KPNA4: variants seen among roughly 807,000 people sequenced by gnomAD.
KPNA4 encodes the protein importin subunit alpha-3.
KPNA4 carries 13 observed loss-of-function variants against 71.3 expected under a neutral mutation model. That is an observed-to-expected ratio of 0.18 (90% CI 0.12 to 0.29). The LOEUF (loss-of-function observed/expected upper bound fraction) is 0.29. Among genes scored for constraint, KPNA4 ranks in the 10% least tolerant of loss-of-function variants. The probability of loss-of-function intolerance (pLI) is 1.00; values close to 1 mark genes in which losing one functional copy is unlikely to be tolerated. For synonymous variants in KPNA4, 189 were observed against 195.2 expected (o/e 0.97, Z 0.26); for missense variants, 334 against 603.2 (o/e 0.55, Z 4.67).
intron 1 of KPNA4, among the ~76,000 whole-genome samples, chr3:160,545,078 A>C (rs1382439601): frequency 6.6e-6 from 1 of 152,224 alleles, no homozygotes; most frequent in Non-Finnish European, 1.5e-5. Flanking sequence ...ACACTGCATC[A>C]CATTACTTTT....
chr3:160,557,767 T>C (rs1722170548), intron 1 of KPNA4, among the ~76,000 whole-genome samples: 1 of 152,184 alleles, frequency 6.6e-6, no homozygotes. Flanking sequence ...CTCCACTTTC[T>C]GGGCTCAAGC....
intron 14 of KPNA4, among the ~76,000 whole-genome samples, chr3:160,508,766 T>C (rs553116155): frequency 3.3e-5 from 5 of 152,030 alleles, no homozygotes; most frequent in Non-Finnish European, 5.9e-5. Context: ...GAGATCCTCC[T>C]GCCTTGGCCC....
intron 11 of KPNA4, among the ~76,000 whole-genome samples, chr3:160,518,460 G>A (rs143751923): frequency 1.3e-5 from 2 of 151,324 alleles, no homozygotes; most frequent in East Asian, 2.0e-4. Context: ...CATGTAGTAT[G>A]AAGTGGGGTC....
chr3:160,515,731 C>A, intron 11 of KPNA4, 151 bp from the exon 12 acceptor site: 1 of 792,772 alleles, frequency 1.3e-6, no homozygotes, highest in Non-Finnish European at 1.9e-6. Flanking sequence ...CCTCCCACCC[C>A]AGCCTCCAGA....
chr3:160,536,301 G>C (rs1346070065), intron 2 of KPNA4, among the ~76,000 whole-genome samples: 1 of 152,010 alleles, frequency 6.6e-6, no homozygotes, highest in Admixed American at 6.6e-5. Flanking sequence ...GCAGAAGTTG[G>C]GCAGTTCAAA....
intron 13 of KPNA4, 89 bp downstream of exon 13, chr3:160,513,988 G>A: frequency 1.5e-6 from 1 of 686,906 alleles, no homozygotes; most frequent in Non-Finnish European, 2.2e-6. Context: ...TTCTAATTAA[G>A]CAGAAAGTAT....
At position 160,501,853 on chromosome 3, in the gene KPNA4, G is replaced by C. The variant is rs892949721; in HGVS notation, c.*251C>G. ...CAACCTAAATAAGCATTCATGTAAA[G>C]TTTTCATTACATTTTGCCACTCATT... is the stretch of plus-strand genomic sequence containing the variant. On this transcript the variant is annotated 3_prime_UTR_variant, in exon 17 of 17. Coordinates refer to ENST00000334256, the MANE Select transcript of KPNA4 (RefSeq NM_002268.5). The C allele has an allele frequency of 5.6e-6, 1 of 178,900 alleles. No homozygotes were observed. Among genetic ancestry groups the C allele is most frequent in the Non-Finnish European group, 1.2e-5 (1 of 86,418 alleles). The allele number at this position is 178,900 out of a possible 1,614,324, so 11.1% of individuals were successfully genotyped here.
At chr3:160,557,007 G>A (rs1481172038) in intron 1 of KPNA4, among the ~76,000 whole-genome samples, 5 of 152,162 alleles carry the variant, frequency 3.3e-5, no homozygotes, top group African/African-American at 1.2e-4. Context: ...GTAGAGATGA[G>A]GTCTCACTAT....
rs1272050682 is a variant in KPNA4 at position 160,521,835 on chromosome 3, A to G, written c.847T>C (p.Ser283Pro). 1 of 1,612,982 alleles carries G rather than the reference A, an allele frequency of 6.2e-7. No homozygotes were observed. The highest frequency in any genetic ancestry group is 1.1e-5 in the South Asian group (1 of 91,032). ...GNEQIQMVID[S>P]GIVPHLVPLL... ...GGAACCAAATGAGGAACTATTCCAG[A>G]GTCTATTACCATCTGTATTTGTTCA... is the stretch of plus-strand genomic sequence containing the variant. The change falls in exon 11 of 17, where the codon TCT becomes CCT. Residue 283 changes from serine to proline, a missense_variant. Coordinates refer to ENST00000334256, the MANE Select transcript of KPNA4 (RefSeq NM_002268.5).
At chr3:160,564,693 C>G (rs1326971048) in intron 1 of KPNA4, 1 of 151,886 alleles carries the variant, frequency 6.6e-6, no homozygotes, top group Non-Finnish European at 1.5e-5. Context: ...TCGGGAAGAC[C>G]AGAAAAAATG....
At position 160,525,948 on chromosome 3, in the gene KPNA4, GT is replaced by G; in HGVS notation, c.715del (p.Thr239ProfsTer12). 1 of 1,571,882 alleles carries G rather than the reference GT, an allele frequency of 6.4e-7. No homozygotes were observed. The highest frequency in any genetic ancestry group is 8.6e-7 in the Non-Finnish European group (1 of 1,162,374). On this transcript the variant is annotated frameshift_variant, in exon 9 of 17. Transcript: ENST00000334256. LOFTEE classifies it high-confidence loss of function. ...RHKDPPPPME[T>X]IQEILPALCV... ...TTTAAAAGTGTTTACCTCCTGAATG[GT>G]TTCCATTGGTGGTGGTGGGTCTTTG...
At chr3:160,554,222 A>C (rs1722093078) in intron 1 of KPNA4, among the ~76,000 whole-genome samples, 1 of 152,222 alleles carries the variant, frequency 6.6e-6, no homozygotes, top group African/African-American at 2.4e-5. Context: ...GATATAATTT[A>C]CATACCATAT....
In KPNA4 at chr3:160,498,890, C is replaced by T. The variant is rs1720821224; in HGVS notation, c.*3214G>A. 1 of 152,192 alleles carries T rather than the reference C, an allele frequency of 6.6e-6. No homozygotes were observed. Among genetic ancestry groups the T allele is most frequent in the Non-Finnish European group, 1.5e-5 (1 of 68,028 alleles). 9.4% of individuals were successfully genotyped at this position (152,192 alleles called of 1,614,324 possible). ...TTATGGTAATTATACCAAAATTACACAGCAGTTATTCTCTAAATTCAAAAT... is the reference window on the plus strand; with the variant it reads ...TTATGGTAATTATACCAAAATTACATAGCAGTTATTCTCTAAATTCAAAAT... On this transcript the variant is annotated 3_prime_UTR_variant, in exon 17 of 17. Transcript: ENST00000334256.
intron 1 of KPNA4, among the ~76,000 whole-genome samples, chr3:160,544,758 C>A (rs570276536): frequency 6.6e-6 from 1 of 152,228 alleles, no homozygotes; most frequent in African/African-American, 2.4e-5. Context: ...TTGAAGGAAT[C>A]TGATTTCTCT....
At chr3:160,548,371 G>A (rs1253280682) in intron 1 of KPNA4, among the ~76,000 whole-genome samples, 1 of 152,124 alleles carries the variant, frequency 6.6e-6, no homozygotes, top group Non-Finnish European at 1.5e-5. Flanking sequence ...GCAGCATTAA[G>A]AATGTTCATA....
At position 160,495,043 on chromosome 3, in the gene KPNA4, T is replaced by A. The variant is rs1720725075; in HGVS notation, c.*7061A>T. On this transcript the variant is annotated 3_prime_UTR_variant, in exon 17 of 17. Transcript: ENST00000334256. ...AGCATTTATTGAGTACCCATAGAAC[T>A]CATGGTACCTTCACGGTGTTTACAG... The A allele has an allele frequency of 6.6e-6, 1 of 152,226 alleles. No individual in the cohort carries two copies. The highest frequency in any genetic ancestry group is 1.5e-5 in the Non-Finnish European group (1 of 68,040). The allele number at this position is 152,226 out of a possible 1,614,324, so 9.4% of individuals were successfully genotyped here.
chr3:160,538,444 T>C (rs1231998565), intron 1 of KPNA4, among the ~76,000 whole-genome samples: 2 of 152,136 alleles, frequency 1.3e-5, no homozygotes, highest in Non-Finnish European at 2.9e-5. Context: ...GAAACACTGC[T>C]TCAGTTATAA....
intron 1 of KPNA4, among the ~76,000 whole-genome samples, chr3:160,560,107 T>C (rs925471808): frequency 6.6e-6 from 1 of 152,248 alleles, no homozygotes; most frequent in Non-Finnish European, 1.5e-5. Flanking sequence ...CCCCGTGGAC[T>C]ATGCTCAGTG....
At chr3:160,515,159 G>A in intron 12 of KPNA4, 1 of 528,836 alleles carries the variant, frequency 1.9e-6, no homozygotes, top group East Asian at 5.2e-5. Context: ...AAACTTATAA[G>A]AATTACATAA....
Sources: gnomAD v4.1 joint callset for allele counts (sites outside exome capture counted in the v4.1 genomes callset) on GRCh38, gnomAD v4.1.1 for gene constraint, MANE v1.5 for transcripts, NCBI Gene and HGNC (gene_info 2026-07-23, HGNC 2026-07-21) for gene names.